The following CTNNA2 variants were observed in gnomAD, a reference collection of about 807,000 sequenced individuals.
The protein encoded by CTNNA2 is catenin alpha-2.
CTNNA2 carries 42 observed loss-of-function variants against 101.0 expected under a neutral mutation model. That is an observed-to-expected ratio of 0.42 (90% CI 0.32 to 0.54). CTNNA2 has a LOEUF of 0.54. Ranked by LOEUF, CTNNA2 falls within the 20% of genes least tolerant of loss-of-function variation. The pLI is 0.14. For missense variants in CTNNA2, 871 were observed against 1,223.1 expected (o/e 0.71, Z 4.29); for synonymous variants, 450 against 456.4 (o/e 0.99, Z 0.18).
intron 4 of CTNNA2, among the ~76,000 whole-genome samples, chr2:79,414,596 C>A (rs1027498756): frequency 3.9e-5 from 6 of 152,000 alleles, no homozygotes; most frequent in Non-Finnish European, 1.5e-5. Flanking sequence ...TTGAGTAGGA[C>A]CTTGAGTTGT....
intron 9 of CTNNA2, among the ~76,000 whole-genome samples, chr2:80,476,696 T>G (rs1199688016): frequency 2.0e-5 from 3 of 152,024 alleles, no homozygotes; most frequent in African/African-American, 7.2e-5. Flanking sequence ...ACCACAATGC[T>G]CCTCCCCTCT....
intron 3 of CTNNA2, among the ~76,000 whole-genome samples, chr2:79,347,797 T>C (rs1469708950): frequency 6.6e-6 from 1 of 151,726 alleles, no homozygotes; most frequent in African/African-American, 2.4e-5. Flanking sequence ...CCTTTTTTTT[T>C]TTTTTTTTTT....
At chr2:80,414,968 G>A (rs1190754641) in intron 8 of CTNNA2, among the ~76,000 whole-genome samples, 2 of 152,134 alleles carry the variant, frequency 1.3e-5, no homozygotes, top group African/African-American at 2.4e-5. Flanking sequence ...AAATGGCAGT[G>A]GTACTGGTCA....
At chr2:80,556,982 T>C (rs1039753701) in intron 12 of CTNNA2, among the ~76,000 whole-genome samples, 1 of 152,194 alleles carries the variant, frequency 6.6e-6, no homozygotes, top group East Asian at 1.9e-4. Flanking sequence ...TTGGTAGAAA[T>C]ATGTTGCTTT....
intron 15 of CTNNA2, among the ~76,000 whole-genome samples, chr2:80,599,330 C>G (rs1479017951): frequency 6.6e-6 from 1 of 152,088 alleles, no homozygotes. Flanking sequence ...ACTCGGATGT[C>G]TGAAGGAGCT....
intron 4 of CTNNA2, among the ~76,000 whole-genome samples, chr2:79,441,338 A>G (rs1678775965): frequency 6.6e-6 from 1 of 152,110 alleles, no homozygotes. Context: ...AAGACATTTC[A>G]ATTATTGTAT....
intron 3 of CTNNA2, among the ~76,000 whole-genome samples, chr2:79,835,053 C>T (rs902562740): frequency 2.6e-5 from 4 of 151,992 alleles, no homozygotes; most frequent in African/African-American, 9.7e-5. Flanking sequence ...ATTTAGTTAC[C>T]ATAGCTTATT....
intron 2 of CTNNA2, among the ~76,000 whole-genome samples, chr2:79,266,501 T>G (rs972423736): frequency 1.3e-5 from 2 of 152,192 alleles, no homozygotes; most frequent in Non-Finnish European, 2.9e-5. Flanking sequence ...GTAAAACACC[T>G]GACTCAAATA....
At chr2:79,909,501 T>C in intron 6 of CTNNA2, 93 bp from the exon 7 acceptor site, 1 of 1,058,596 alleles carries the variant, frequency 9.4e-7, no homozygotes, top group South Asian at 1.6e-5. Context: ...GGACTCCTGT[T>C]CTTGCCTCAG....
intron 7 of CTNNA2, chr2:80,298,038 T>A (rs1203866394): frequency 1.4e-5 from 2 of 147,826 alleles, no homozygotes. Flanking sequence ...TATTATATAT[T>A]ATATATATAT....
At chr2:80,164,772 A>G (rs918889998) in intron 7 of CTNNA2, among the ~76,000 whole-genome samples, 1 of 151,076 alleles carries the variant, frequency 6.6e-6, no homozygotes, top group Non-Finnish European at 1.5e-5. Context: ...ATTTTCTTCA[A>G]TAGAGCATGT....
intron 7 of CTNNA2, among the ~76,000 whole-genome samples, chr2:80,206,434 C>T (rs965192535): frequency 6.6e-6 from 1 of 152,130 alleles, no homozygotes; most frequent in Admixed American, 6.5e-5. Context: ...TAGGGAAGAT[C>T]CTTGTATTTG....
chr2:80,335,005 T>C (rs769183246), intron 7 of CTNNA2, among the ~76,000 whole-genome samples: 1 of 152,206 alleles, frequency 6.6e-6, no homozygotes, highest in Non-Finnish European at 1.5e-5. Context: ...GTTGGTTGAA[T>C]GAATTAAGAA....
chr2:80,190,747 T>A (rs183154890), intron 7 of CTNNA2, among the ~76,000 whole-genome samples: 3 of 152,302 alleles, frequency 2.0e-5, no homozygotes, highest in East Asian at 3.9e-4. Context: ...CTAAATACAG[T>A]CCCATATTAA....
At chr2:79,520,407 TAGA>T (rs575250699) in intron 1 of CTNNA2, among the ~76,000 whole-genome samples, 44 of 152,302 alleles carry the variant, frequency 2.9e-4, no homozygotes, top group African/African-American at 1.0e-3. Flanking sequence ...CATAAACTTC[TAGA>T]AGAAAATATA....
At chr2:79,546,601 T>C (rs537936421) in intron 1 of CTNNA2, among the ~76,000 whole-genome samples, 100 of 152,260 alleles carry the variant, frequency 6.6e-4, no homozygotes, top group Non-Finnish European at 1.1e-3. Context: ...CTAAGAATAA[T>C]ATAAATGTGT....
At chr2:79,195,618 A>C (rs1673949459) in intron 1 of CTNNA2, among the ~76,000 whole-genome samples, 1 of 152,160 alleles carries the variant, frequency 6.6e-6, no homozygotes, top group South Asian at 2.1e-4. Flanking sequence ...CAGAAGAATG[A>C]AAATCAGACA....
chr2:79,508,016 C>G (rs989237128), intron 5 of CTNNA2, among the ~76,000 whole-genome samples: 2 of 152,166 alleles, frequency 1.3e-5, no homozygotes, highest in Admixed American at 6.5e-5. Context: ...TACTTACTTT[C>G]CCATGTCCTT....
chr2:80,173,818 G>A (rs1705221959), intron 7 of CTNNA2, among the ~76,000 whole-genome samples: 1 of 152,104 alleles, frequency 6.6e-6, no homozygotes. Context: ...AGCTCACCTA[G>A]GGAATGTACA....
Sources: allele counts gnomAD v4.1 joint callset (sites outside exome capture counted in the v4.1 genomes callset), GRCh38; gene constraint gnomAD v4.1.1; transcripts MANE v1.5; gene names NCBI Gene and HGNC (gene_info 2026-07-23, HGNC 2026-07-21).